Variants in TMEM114 observed in about 807,000 individuals in gnomAD.
The protein encoded by TMEM114 is transmembrane protein 114.
Under a neutral mutation model 6.2 loss-of-function variants are expected in TMEM114, and 6 were observed. The ratio of observed to expected loss-of-function variants is 0.97; its 90% CI spans 0.53 to 1.91. The LOEUF is 1.91. Among genes scored for constraint, TMEM114 ranks in the 40% most tolerant of loss-of-function variants. The pLI is 0.01. For synonymous variants in TMEM114, 104 were observed against 73.0 expected, an observed-to-expected ratio of 1.42 and a Z score of -2.16; for missense variants, 218 against 158.3, an observed-to-expected ratio of 1.38 and a Z score of -2.02.
downstream of TMEM114, among the ~76,000 whole-genome samples, chr16:8,535,236 TA>T (rs35480899): frequency 0.12 from 18,378 of 152,238 alleles, 1,338 homozygotes; most frequent in Middle Eastern, 0.21. Context: ...TAGGAAGGGT[TA>T]AAAAGCTCTA....
intron 2 of TMEM114, among the ~76,000 whole-genome samples, chr16:8,585,988 C>G (rs188964020): frequency 7.3e-4 from 111 of 152,308 alleles, no homozygotes; most frequent in African/African-American, 2.6e-3. Context: ...GTGAGTTCTG[C>G]TCTGTCTCAA....
chr16:8,569,442 T>C, downstream of TMEM114: 4 of 1,142,814 alleles, frequency 3.5e-6, no homozygotes, highest in South Asian at 8.2e-5. Context: ...GGGACATGGG[T>C]GAGGAGGAAA....
intron 2 of TMEM114, among the ~76,000 whole-genome samples, chr16:8,541,969 A>T (rs931002205): frequency 2.6e-5 from 4 of 152,148 alleles, no homozygotes; most frequent in Non-Finnish European, 5.9e-5. Context: ...CCCCATATGA[A>T]CTTTACCTCT....
chr16:8,554,724 A>G (rs1900952387), intron 2 of TMEM114, among the ~76,000 whole-genome samples: 1 of 152,240 alleles, frequency 6.6e-6, no homozygotes, highest in South Asian at 2.1e-4. Context: ...TCCTAAAAGC[A>G]GCTGACACTG....
the TMEM114 span, among the ~76,000 whole-genome samples, chr16:8,530,986 T>C: frequency 6.6e-6 from 1 of 151,830 alleles, no homozygotes; most frequent in African/African-American, 2.4e-5. Flanking sequence ...ACCATGCCAC[T>C]TCACTGCAGT....
chr16:8,539,313 G>A (rs1485023319), intron 2 of TMEM114, among the ~76,000 whole-genome samples: 1 of 152,128 alleles, frequency 6.6e-6, no homozygotes, highest in Non-Finnish European at 1.5e-5. Flanking sequence ...TCTGAGAAGG[G>A]AATAGAGGGG....
chr16:8,535,393 C>T (rs957713322), downstream of TMEM114, among the ~76,000 whole-genome samples: 1 of 151,710 alleles, frequency 6.6e-6, no homozygotes, highest in African/African-American at 2.4e-5. Context: ...AACCAGGGTA[C>T]AGAGCTTCAT....
chr16:8,540,334 A>G (rs1166323193), intron 2 of TMEM114, among the ~76,000 whole-genome samples: 2 of 152,196 alleles, frequency 1.3e-5, no homozygotes, highest in African/African-American at 2.4e-5. Flanking sequence ...CCACCTGAGC[A>G]GGAATCCCAG....
At chr16:8,564,071 G>T (rs1365711923) in intron 2 of TMEM114, among the ~76,000 whole-genome samples, 1 of 148,546 alleles carries the variant, frequency 6.7e-6, no homozygotes, top group Non-Finnish European at 1.5e-5. Context: ...ATGAGTGAGT[G>T]AGTGCATGAA....
chr16:8,589,537 C>T (rs1027122305), intron 1 of TMEM114, 82 bp downstream of exon 1: 46 of 398,402 alleles, frequency 1.2e-4, no homozygotes, highest in African/African-American at 7.2e-4. Flanking sequence ...GAGTGCGCGC[C>T]AAGCAACAGG....
chr16:8,587,670 A>AT (rs1453610422), intron 2 of TMEM114, among the ~76,000 whole-genome samples: 1 of 152,118 alleles, frequency 6.6e-6, no homozygotes, highest in African/African-American at 2.4e-5. Flanking sequence ...ACTTGTCTTT[A>AT]TTTTTTTATC....
At chr16:8,535,429 C>G (rs940054728), downstream of TMEM114, among the ~76,000 whole-genome samples, 7 of 151,646 alleles carry the variant, frequency 4.6e-5, no homozygotes, top group Non-Finnish European at 8.8e-5. Context: ...TTCTTACAAT[C>G]TTCGCTGAAA....
chr16:8,557,029 A>T (rs1175246368), intron 2 of TMEM114, among the ~76,000 whole-genome samples: 4 of 152,126 alleles, frequency 2.6e-5, no homozygotes, highest in Non-Finnish European at 4.4e-5. Context: ...AGAAATAATG[A>T]ATCGGTGAGG....
At chr16:8,562,084 ATGAGTGAGTGAGTGAATGAG>A (rs1901244543) in intron 2 of TMEM114, among the ~76,000 whole-genome samples, 1 of 138,446 alleles carries the variant, frequency 7.2e-6, no homozygotes, top group African/African-American at 2.7e-5. Context: ...GAGTGAATGA[ATGAGTGAGTGAGTGAATGAG>A]TGAGCGAATA....
At chr16:8,554,001 C>T (rs1243005249) in intron 2 of TMEM114, among the ~76,000 whole-genome samples, 2 of 152,010 alleles carry the variant, frequency 1.3e-5, no homozygotes, top group African/African-American at 4.8e-5. Context: ...GTGTCAGCCG[C>T]CTGAATAGCT....
chr16:8,560,302 C>T (rs1229110982), intron 2 of TMEM114, among the ~76,000 whole-genome samples: 1 of 151,968 alleles, frequency 6.6e-6, no homozygotes, highest in Non-Finnish European at 1.5e-5. Flanking sequence ...CCAGCATGCC[C>T]AGTGATCTTG....
chr16:8,553,970 C>A (rs1473041542), intron 2 of TMEM114, among the ~76,000 whole-genome samples: 1 of 151,928 alleles, frequency 6.6e-6, no homozygotes, highest in Admixed American at 6.6e-5. Context: ...CCTCTGGCTC[C>A]CAGGTTCAAG....
chr16:8,533,991 G>C (rs183750504), downstream of TMEM114, among the ~76,000 whole-genome samples: 1 of 152,160 alleles, frequency 6.6e-6, no homozygotes, highest in Admixed American at 6.5e-5. Context: ...CTGGCACCCA[G>C]TACCTCTTTG....
At chr16:8,564,548 AGGG>A (rs1199943950), downstream of TMEM114, among the ~76,000 whole-genome samples, 518 of 109,266 alleles carry the variant, frequency 4.7e-3, 4 homozygotes, top group African/African-American at 6.4e-3. Context: ...TGAATGAGTC[AGGG>A]AATGAGTGAG....
Sources: allele counts gnomAD v4.1 joint callset (sites outside exome capture counted in the v4.1 genomes callset), GRCh38; gene constraint gnomAD v4.1.1; transcripts MANE v1.5; gene names NCBI Gene and HGNC (gene_info 2026-07-23, HGNC 2026-07-21).